The following CUL1 variants were observed in gnomAD, a reference collection of about 807,000 sequenced individuals.
CUL1 encodes cullin-1.
A neutral mutation model predicts 118.0 loss-of-function variants in CUL1; 24 were observed. That is an observed-to-expected ratio of 0.20 (90% confidence interval 0.15 to 0.29). The LOEUF is 0.29. Among genes scored for constraint, CUL1 ranks in the 10% least tolerant of loss-of-function variants. The pLI is 1.00. For synonymous variants in CUL1, 332 were observed against 340.4 expected, an observed-to-expected ratio of 0.98 and a Z score of 0.27; for missense variants, 361 against 933.8, an observed-to-expected ratio of 0.39 and a Z score of 7.99.
In CUL1 at chr7:148,711,324, G is replaced by A. The variant is rs1798042554; in HGVS notation, c.-162+12295G>A. ...TTAGCAAATGCAGCATTGAACATATGTGCAGAGAATGGGGGTGCAAATCTG... is the reference window on the plus strand; with the variant it reads ...TTAGCAAATGCAGCATTGAACATATATGCAGAGAATGGGGGTGCAAATCTG... On this transcript the variant is annotated intron_variant, in intron 1 of 21. Coordinates refer to ENST00000325222, the MANE Select transcript of CUL1 (RefSeq NM_003592.3). 2.6e-5 allele frequency among the ~76,000 whole-genome samples: 4 copies of A among 152,302 alleles called. No homozygotes were observed. In the South Asian group the frequency reaches 8.3e-4, roughly 32 times the overall value.
intron 9 of CUL1, among the ~76,000 whole-genome samples, chr7:148,780,623 G>A (rs1261660178): frequency 2.0e-5 from 3 of 152,196 alleles, no homozygotes; most frequent in African/African-American, 7.2e-5. Flanking sequence ...GGCCACACGG[G>A]CTCACCTGGG....
chr7:148,789,123 A>G (rs1386344977), intron 14 of CUL1, among the ~76,000 whole-genome samples: 2 of 152,186 alleles, frequency 1.3e-5, no homozygotes, highest in Non-Finnish European at 2.9e-5. Context: ...GGCCTTGCAT[A>G]GTAGTAGGAT....
At chr7:148,789,720 G>A (rs778470364) in intron 14 of CUL1, 30 bp from the exon 15 acceptor site, 2 of 1,582,564 alleles carry the variant, frequency 1.3e-6, no homozygotes, top group African/African-American at 1.3e-5. Flanking sequence ...ATTCCAGAAT[G>A]TTCACTCTCC....
intron 2 of CUL1, among the ~76,000 whole-genome samples, chr7:148,732,188 C>T (rs996052898): frequency 5.9e-5 from 9 of 152,226 alleles, no homozygotes; most frequent in African/African-American, 1.9e-4. Context: ...GGTAGTTCCA[C>T]TGGTGAGGGA....
intron 3 of CUL1, among the ~76,000 whole-genome samples, chr7:148,754,828 C>G (rs1404817517): frequency 6.6e-6 from 1 of 151,812 alleles, no homozygotes; most frequent in East Asian, 1.9e-4. Context: ...GTCATTGCAG[C>G]CTCCAACTCC....
intron 2 of CUL1, among the ~76,000 whole-genome samples, chr7:148,732,863 C>T (rs1007060687): frequency 3.3e-5 from 5 of 151,886 alleles, no homozygotes; most frequent in Admixed American, 3.3e-4. Flanking sequence ...CCAGTTTTGT[C>T]TGAGAAATAA....
intron 2 of CUL1, among the ~76,000 whole-genome samples, chr7:148,749,382 C>G (rs1799409125): frequency 7.7e-6 from 1 of 129,692 alleles, no homozygotes; most frequent in Admixed American, 9.4e-5. Flanking sequence ...TGCCACAGCT[C>G]TCCAGCCTGG....
intron 14 of CUL1, among the ~76,000 whole-genome samples, chr7:148,789,167 C>T (rs561972529): frequency 1.3e-5 from 2 of 152,296 alleles, no homozygotes; most frequent in African/African-American, 4.8e-5. Context: ...TTTTGATCAT[C>T]TTTGTCTTTT....
At chr7:148,789,042 G>T (rs903782380) in intron 14 of CUL1, among the ~76,000 whole-genome samples, 2 of 152,198 alleles carry the variant, frequency 1.3e-5, no homozygotes, top group Middle Eastern at 3.2e-3. Context: ...TTCAGACTGG[G>T]ATTAGGGATC....
intron 9 of CUL1, among the ~76,000 whole-genome samples, chr7:148,770,585 T>C (rs66581250): frequency 0.075 from 11,417 of 152,254 alleles, 498 homozygotes; most frequent in African/African-American, 0.11. Context: ...AACTTGCCGT[T>C]TGGCTCCTTC....
chr7:148,747,869 A>G (rs958326913), intron 2 of CUL1, among the ~76,000 whole-genome samples: 6 of 152,264 alleles, frequency 3.9e-5, no homozygotes, highest in Non-Finnish European at 7.3e-5. Flanking sequence ...AGATAAAGTG[A>G]TAGAAGATCA....
intron 2 of CUL1, among the ~76,000 whole-genome samples, chr7:148,740,343 T>G (rs1231820801): frequency 6.6e-6 from 1 of 152,154 alleles, no homozygotes; most frequent in African/African-American, 2.4e-5. Context: ...GTGTGAGCCA[T>G]TGTGCCCAGC....
intron 4 of CUL1, 45 bp downstream of exon 4, chr7:148,757,195 GT>G (rs748644058): frequency 5.6e-5 from 73 of 1,308,764 alleles, no homozygotes; most frequent in East Asian, 1.9e-4. Context: ...TTTTGTTTTT[GT>G]TTTTTTTAAT....
At chr7:148,799,539 A>G in intron 21 of CUL1, 151 bp downstream of exon 21, 4 of 610,380 alleles carry the variant, frequency 6.6e-6, no homozygotes, top group Non-Finnish European at 8.7e-6. Flanking sequence ...CTTCAGTTTA[A>G]CTGTTGAAAC....
At chr7:148,790,280 T>C (rs1800960691) in intron 15 of CUL1, 30 bp from the exon 16 acceptor site, 1 of 1,612,564 alleles carries the variant, frequency 6.2e-7, no homozygotes, top group South Asian at 1.1e-5. Flanking sequence ...GTGAGATCTG[T>C]ATTCCATATA....
intron 2 of CUL1, among the ~76,000 whole-genome samples, chr7:148,745,500 A>C (rs1799284562): frequency 6.6e-6 from 1 of 152,094 alleles, no homozygotes; most frequent in Non-Finnish European, 1.5e-5. Flanking sequence ...TCATTGTTTT[A>C]ATATTTTTTC....
chr7:148,764,027 C>T (rs1438372528), intron 7 of CUL1, among the ~76,000 whole-genome samples: 1 of 152,216 alleles, frequency 6.6e-6, no homozygotes, highest in Non-Finnish European at 1.5e-5. Context: ...AAAGATTTGA[C>T]TGTCTCATGC....
At chr7:148,741,476 G>A (rs562877844) in intron 2 of CUL1, among the ~76,000 whole-genome samples, 22 of 152,302 alleles carry the variant, frequency 1.4e-4, no homozygotes, top group Admixed American at 6.5e-4. Context: ...GAGTCTTGCT[G>A]TAATTCAGGA....
chr7:148,725,223 A>ACGCGCG (rs1407605299), intron 1 of CUL1, among the ~76,000 whole-genome samples: 4 of 128,474 alleles, frequency 3.1e-5, no homozygotes, highest in African/African-American at 1.3e-4. Context: ...GCGCGCGCTC[A>ACGCGCG]CACACACACA....
Sources: gnomAD v4.1 joint callset for allele counts (sites outside exome capture counted in the v4.1 genomes callset) on GRCh38, gnomAD v4.1.1 for gene constraint, MANE v1.5 for transcripts, NCBI Gene and HGNC (gene_info 2026-07-23, HGNC 2026-07-21) for gene names.